The following PREX2 variants were observed in gnomAD, a reference collection of about 807,000 sequenced individuals.
PREX2 encodes the protein phosphatidylinositol-3,4,5-trisphosphate dependent Rac exchange factor 2.
PREX2 carries 107 observed loss-of-function variants against 203.2 expected under a neutral mutation model. The ratio of observed to expected loss-of-function variants is 0.53; its 90% CI spans 0.45 to 0.62. PREX2 has a LOEUF of 0.62. PREX2 is among the 20% of genes least tolerant of loss of function. The pLI, the probability that PREX2 is intolerant of heterozygous loss-of-function variation, is 0.00. For missense variants in PREX2, 1,777 were observed against 1,955.9 expected, an observed-to-expected ratio of 0.91 and a Z score of 1.72; for synonymous variants, 672 against 663.6, an observed-to-expected ratio of 1.01 and a Z score of -0.19.
intron 1 of PREX2, among the ~76,000 whole-genome samples, chr8:67,969,321 C>T (rs1400077225): frequency 6.6e-6 from 1 of 152,174 alleles, no homozygotes; most frequent in Non-Finnish European, 1.5e-5. Flanking sequence ...CTTCAGAGAT[C>T]TCTGCTACCT....
chr8:67,990,264 G>T lies in PREX2; in HGVS notation c.142-27582G>T, dbSNP rs139851914. On this transcript the variant is annotated intron_variant, in intron 1 of 39. Transcript: ENST00000288368. Reference sequence around the variant, plus strand: ...GCCTCCCAAAGTGCTGAGATTACAAGTGTGAGCCACTGCCCCAGGCCTGGA... The same window carrying T: ...GCCTCCCAAAGTGCTGAGATTACAATTGTGAGCCACTGCCCCAGGCCTGGA... Among the ~76,000 whole-genome samples, 1,041 of 152,212 alleles carry T rather than the reference G, an allele frequency of 6.8e-3. 8 individuals are homozygous for T. Among genetic ancestry groups the T allele is most frequent in the African/African-American group, 0.024 (1,005 of 41,542 alleles).
At chr8:68,101,482 T>C (rs2129612619) in intron 23 of PREX2, 1 of 518,214 alleles carries the variant, frequency 1.9e-6, no homozygotes, top group South Asian at 1.4e-5. Context: ...CTGAGTTCAG[T>C]TCACCTACTT....
chr8:68,058,828 C>G (rs972575230), intron 10 of PREX2, among the ~76,000 whole-genome samples: 1 of 152,188 alleles, frequency 6.6e-6, no homozygotes. Flanking sequence ...GTAGTGGAAA[C>G]AGAAACAGGA....
At chr8:68,080,983 C>T (rs1809501449) in intron 17 of PREX2, 145 bp downstream of exon 17, 1 of 638,460 alleles carries the variant, frequency 1.6e-6, no homozygotes, top group African/African-American at 1.9e-5. Flanking sequence ...ATCTTACTCA[C>T]AGGTTCTACT....
intron 1 of PREX2, among the ~76,000 whole-genome samples, chr8:67,983,047 A>T (rs1389019403): frequency 1.3e-5 from 2 of 152,090 alleles, no homozygotes; most frequent in East Asian, 1.9e-4. Flanking sequence ...CTTTTTCCTG[A>T]TTCCTTTACA....
intron 7 of PREX2, among the ~76,000 whole-genome samples, chr8:68,042,747 A>G (rs1808233767): frequency 6.6e-6 from 1 of 152,106 alleles, no homozygotes; most frequent in Non-Finnish European, 1.5e-5. Flanking sequence ...AAGCTTCAGT[A>G]GAGTCATTTT....
chr8:68,106,770 A>G (rs965892362), intron 23 of PREX2, among the ~76,000 whole-genome samples: 2 of 152,164 alleles, frequency 1.3e-5, no homozygotes, highest in African/African-American at 4.8e-5. Flanking sequence ...TGCCAAAATT[A>G]TTACTCTACT....
At position 67,952,446 on chromosome 8, in the gene PREX2, G is replaced by T; in HGVS notation, c.52G>T (p.Glu18Ter). The change falls in exon 1 of 40, where the codon GAG becomes TAG. Residue 18 changes from glutamate (E) to a stop codon, truncating the protein, a stop_gained. Coordinates refer to ENST00000288368, the MANE Select transcript of PREX2 (RefSeq NM_024870.4). LOFTEE classifies it high-confidence loss of function. ...CCGCGCCGAGAGCGCCAAGGACCTGGAGAAGCAGCTTCGCCTGCGCGTGTG... is the reference window on the plus strand; with the variant it reads ...CCGCGCCGAGAGCGCCAAGGACCTGTAGAAGCAGCTTCGCCTGCGCGTGTG... ...DSRAESAKDL[E>*]KQLRLRVCVL... is the part of the protein sequence containing the mutation. 1 of 1,595,084 alleles carries T rather than the reference G, an allele frequency of 6.3e-7. No homozygotes were observed. Among genetic ancestry groups the T allele is most frequent in the Non-Finnish European group, 8.5e-7 (1 of 1,171,398 alleles).
rs376566578 is a variant in PREX2 at position 68,027,190 on chromosome 8, G to A, written c.442-32G>A. On this transcript the variant is annotated intron_variant, in intron 4 of 39. Transcript: ENST00000288368. The stretch of plus-strand genomic sequence containing the variant: ...AGTTTCACAGCGTGAGATTATTAAA[G>A]ATGTAATTAATTTTGATTATTTTCA... 97 of 1,463,030 alleles carry A rather than the reference G, an allele frequency of 6.6e-5. 1 individual carries two copies. The African/African-American group carries it at 1.2e-3, about 18-fold the overall frequency. 90.6% of individuals were successfully genotyped at this position (1,463,030 alleles called of 1,614,324 possible).
chr8:68,044,388 A>C, intron 7 of PREX2, 99 bp from the exon 8 acceptor site: 1 of 769,062 alleles, frequency 1.3e-6, no homozygotes, highest in Admixed American at 2.2e-5. Context: ...TGTCGATTGA[A>C]TTGGTGTCTT....
chr8:68,022,383 C>T (rs1807595526), intron 4 of PREX2, among the ~76,000 whole-genome samples: 1 of 152,080 alleles, frequency 6.6e-6, no homozygotes. Flanking sequence ...CCACAGGTTC[C>T]TAGCGAGAGA....
intron 1 of PREX2, among the ~76,000 whole-genome samples, chr8:67,982,811 G>A (rs1349386594): frequency 6.6e-6 from 1 of 152,074 alleles, no homozygotes; most frequent in East Asian, 1.9e-4. Flanking sequence ...CTTTTAAACT[G>A]TCATAGAATA....
At chr8:67,969,635 TTTA>T (rs1396550213) in intron 1 of PREX2, among the ~76,000 whole-genome samples, 1 of 152,154 alleles carries the variant, frequency 6.6e-6, no homozygotes, top group Non-Finnish European at 1.5e-5. Flanking sequence ...CCTAGGAAGG[TTTA>T]TTAATGTTTT....
intron 18 of PREX2, among the ~76,000 whole-genome samples, chr8:68,087,196 T>C (rs1809718260): frequency 1.3e-5 from 2 of 152,202 alleles, no homozygotes; most frequent in Admixed American, 1.3e-4. Flanking sequence ...TTATCTAAGT[T>C]ATCCACCTAC....
At chr8:68,069,382 G>A (rs1809122922) in intron 12 of PREX2, among the ~76,000 whole-genome samples, 5 of 150,874 alleles carry the variant, frequency 3.3e-5, no homozygotes, top group Admixed American at 3.3e-4. Context: ...TTATATCCAT[G>A]GAAAACCCTT....
intron 1 of PREX2, among the ~76,000 whole-genome samples, chr8:67,954,082 T>C (rs1805428368): frequency 6.6e-6 from 1 of 152,198 alleles, no homozygotes; most frequent in African/African-American, 2.4e-5. Flanking sequence ...ATTTAAAATA[T>C]CAGTTTTTCT....
intron 34 of PREX2, 93 bp downstream of exon 34, chr8:68,146,445 A>T (rs1811329019): frequency 5.2e-6 from 6 of 1,147,206 alleles, no homozygotes; most frequent in African/African-American, 1.6e-5. Context: ...TGGGATTTTT[A>T]AATTAATTTG....
chr8:67,998,671 G>A (rs1443647819), intron 1 of PREX2, among the ~76,000 whole-genome samples: 1 of 152,180 alleles, frequency 6.6e-6, no homozygotes, highest in Non-Finnish European at 1.5e-5. Context: ...AGGTGGTGAC[G>A]AGGTGGGAGG....
At chr8:68,219,202 T>A (rs956701767) in intron 38 of PREX2, among the ~76,000 whole-genome samples, 1 of 152,132 alleles carries the variant, frequency 6.6e-6, no homozygotes, top group Non-Finnish European at 1.5e-5. Context: ...AAGGAGGTAG[T>A]TATGAGTTGG....
Sources: gnomAD v4.1 joint callset for allele counts (sites outside exome capture counted in the v4.1 genomes callset) on GRCh38, gnomAD v4.1.1 for gene constraint, MANE v1.5 for transcripts, NCBI Gene and HGNC (gene_info 2026-07-23, HGNC 2026-07-21) for gene names.